The following VPS13B variants were observed in gnomAD, a reference collection of about 807,000 sequenced individuals.
VPS13B encodes intermembrane lipid transfer protein VPS13B.
A neutral mutation model predicts 426.4 loss-of-function variants in VPS13B; 285 were observed. The observed-to-expected ratio is 0.67, with a 90% CI of 0.61 to 0.74. VPS13B has a LOEUF of 0.74. Ranked by LOEUF, VPS13B falls within the 30% of genes least tolerant of loss-of-function variation. The pLI is 0.00. For synonymous variants in VPS13B, 1,676 were observed against 1,676.4 expected (o/e 1.00, Z 0.01); for missense variants, 4,537 against 4,782.6 (o/e 0.95, Z 1.51).
At chr8:99,853,316 A>C in intron 55 of VPS13B, 135 bp from the exon 56 acceptor site, 1 of 863,376 alleles carries the variant, frequency 1.2e-6, no homozygotes, top group Non-Finnish European at 1.8e-6. Context: ...CTGAAAGTTG[A>C]GTTCTTATTT....
intron 35 of VPS13B, among the ~76,000 whole-genome samples, chr8:99,683,451 T>C (rs891784045): frequency 4.6e-5 from 7 of 152,234 alleles, no homozygotes; most frequent in African/African-American, 1.7e-4. Context: ...ATATTTACTA[T>C]GTTGTCTGCC....
intron 39 of VPS13B, among the ~76,000 whole-genome samples, chr8:99,759,248 A>G (rs1810798638): frequency 6.6e-6 from 1 of 152,114 alleles, no homozygotes; most frequent in Non-Finnish European, 1.5e-5. Flanking sequence ...GTCATCATCC[A>G]CAACTGCTGT....
intron 24 of VPS13B, among the ~76,000 whole-genome samples, chr8:99,471,365 G>A (rs906470999): frequency 4.1e-4 from 62 of 152,086 alleles, no homozygotes; most frequent in African/African-American, 1.4e-3. Flanking sequence ...ATAGCATTAA[G>A]GCTAGTGGAA....
At chr8:99,417,544 A>C (rs760880224) in intron 21 of VPS13B, among the ~76,000 whole-genome samples, 4 of 152,040 alleles carry the variant, frequency 2.6e-5, no homozygotes, top group Non-Finnish European at 5.9e-5. Flanking sequence ...CCCCTGTTCA[A>C]ATTTTTTGTT....
chr8:99,820,216 G>A (rs538681874), intron 49 of VPS13B, 94 bp downstream of exon 49: 1 of 1,282,004 alleles, frequency 7.8e-7, no homozygotes, highest in African/African-American at 1.5e-5. Context: ...GAATGAATCA[G>A]TTGTGAAAAA....
intron 29 of VPS13B, among the ~76,000 whole-genome samples, chr8:99,512,412 A>G (rs772380220): frequency 8.5e-5 from 13 of 152,244 alleles, no homozygotes; most frequent in Non-Finnish European, 1.6e-4. Flanking sequence ...TTTCCTTATT[A>G]TATAGGAGCA....
At chr8:99,238,241 A>AGTGTGTGTGT (rs199541620) in intron 17 of VPS13B, among the ~76,000 whole-genome samples, 2 of 150,042 alleles carry the variant, frequency 1.3e-5, no homozygotes, top group African/African-American at 4.9e-5. Flanking sequence ...AGTTTGTGGG[A>AGTGTGTGTGT]GTGTGTGTGT....
chr8:99,610,937 G>A (rs1827822089), intron 33 of VPS13B, among the ~76,000 whole-genome samples: 1 of 152,050 alleles, frequency 6.6e-6, no homozygotes, highest in Admixed American at 6.6e-5. Context: ...TCCAAAGCAA[G>A]GCTTAATTTG....
At chr8:99,233,508 A>C (rs1398326209) in intron 17 of VPS13B, 20 of 1,270,012 alleles carry the variant, frequency 1.6e-5, no homozygotes, top group African/African-American at 2.9e-5. Flanking sequence ...CTTGATAAGA[A>C]TGCTGATGCG....
At chr8:99,591,280 A>T (rs571157060) in intron 33 of VPS13B, among the ~76,000 whole-genome samples, 12 of 150,632 alleles carry the variant, frequency 8.0e-5, no homozygotes, top group African/African-American at 2.2e-4. Context: ...AATCCAGCAC[A>T]TTGACGGGTC....
chr8:99,104,398 A>G (rs1326464416), intron 5 of VPS13B, among the ~76,000 whole-genome samples: 1 of 152,212 alleles, frequency 6.6e-6, no homozygotes, highest in Non-Finnish European at 1.5e-5. Context: ...AATGATATTT[A>G]GTTTGAATTG....
At chr8:99,513,015 G>GAAA (rs201570928) in intron 29 of VPS13B, among the ~76,000 whole-genome samples, 1 of 103,512 alleles carries the variant, frequency 9.7e-6, no homozygotes. Flanking sequence ...TCTCAAGTGG[G>GAAA]AAAAAAAAAA....
At position 99,875,639 on chromosome 8, in the gene VPS13B, T is replaced by TA. The variant is rs763368183; in HGVS notation, c.11970dup (p.Ala3991SerfsTer12). On this transcript the variant is annotated frameshift_variant, in exon 62 of 62. Coordinates refer to ENST00000357162, the MANE Select transcript of VPS13B (RefSeq NM_152564.5). LOFTEE classifies it high-confidence loss of function. ...TTAGTAAATTTACCATGGTGAAAAA[T>TA]AAAGCCCTGAGGAAAGGGTTTCCTT... The TA allele has an allele frequency of 6.2e-7, 1 of 1,614,170 alleles. No individual in the cohort carries two copies. Among genetic ancestry groups the TA allele is most frequent in the Non-Finnish European group, 8.5e-7 (1 of 1,180,020 alleles).
At chr8:99,050,191 C>G (rs190061436) in intron 3 of VPS13B, among the ~76,000 whole-genome samples, 6 of 151,924 alleles carry the variant, frequency 3.9e-5, no homozygotes, top group African/African-American at 1.2e-4. Flanking sequence ...CCCCTCCCCC[C>G]ACCACACAAC....
chr8:99,705,233 G>A (rs1231408093), intron 36 of VPS13B, among the ~76,000 whole-genome samples: 2 of 151,892 alleles, frequency 1.3e-5, no homozygotes, highest in Admixed American at 6.6e-5. Context: ...TGAGGCATTC[G>A]ACAAAAAGTA....
intron 8 of VPS13B, among the ~76,000 whole-genome samples, chr8:99,124,398 C>T (rs755568624): frequency 5.9e-5 from 9 of 152,118 alleles, no homozygotes; most frequent in Non-Finnish European, 1.2e-4. Context: ...ACCATATAAT[C>T]TAGCTATTTT....
At chr8:99,857,520 A>G (rs1816612302) in intron 56 of VPS13B, among the ~76,000 whole-genome samples, 1 of 151,870 alleles carries the variant, frequency 6.6e-6, no homozygotes, top group African/African-American at 2.4e-5. Context: ...TCCCTCGCCT[A>G]CTCTTTGCAG....
chr8:99,175,752 C>T (rs1439285837), intron 16 of VPS13B, among the ~76,000 whole-genome samples: 1 of 152,156 alleles, frequency 6.6e-6, no homozygotes, highest in Non-Finnish European at 1.5e-5. Flanking sequence ...GAGACCCTGT[C>T]TGTTTCAAAC....
chr8:99,540,045 A>G (rs1347134945), intron 30 of VPS13B, among the ~76,000 whole-genome samples: 12 of 3,616 alleles, frequency 3.3e-3, no homozygotes, highest in Non-Finnish European at 7.3e-3. Context: ...ATATATATAT[A>G]TATATATATA....
Sources: gnomAD v4.1 joint callset for allele counts (sites outside exome capture counted in the v4.1 genomes callset) on GRCh38, gnomAD v4.1.1 for gene constraint, MANE v1.5 for transcripts, NCBI Gene and HGNC (gene_info 2026-07-23, HGNC 2026-07-21) for gene names.